The following GTF2E2 variants were observed in gnomAD, a reference collection of about 807,000 sequenced individuals.
The protein encoded by GTF2E2 is general transcription factor IIE subunit 2.
A neutral mutation model predicts 40.5 loss-of-function variants in GTF2E2; 21 were observed. That is an observed-to-expected ratio of 0.52 (90% CI 0.37 to 0.75). The LOEUF is 0.75. GTF2E2 is among the 30% of genes least tolerant of loss of function. The probability of loss-of-function intolerance (pLI) is 0.00; values close to 1 mark genes in which losing one functional copy is unlikely to be tolerated. For missense variants in GTF2E2, 298 were observed against 338.4 expected (o/e 0.88, Z 0.94); for synonymous variants, 117 against 121.6 (o/e 0.96, Z 0.25).
rs925847027 is a variant in GTF2E2, at chr8:30,593,885, T to A, written c.643+13172A>T. Among the ~76,000 whole-genome samples the A allele has an allele frequency of 2.6e-5, 4 of 152,186 alleles. No homozygotes were observed. The East Asian group carries it at 7.7e-4, about 29-fold the overall frequency. ...TTCCTGATAGTGTTTGCACAGTATA[T>A]CATTTTACATGCTTTTACTTTTAAC... On this transcript the variant is annotated intron_variant, in intron 6 of 7. Transcript: ENST00000355904.
At chr8:30,623,371 G>A (rs1801170478) in intron 3 of GTF2E2, among the ~76,000 whole-genome samples, 2 of 152,030 alleles carry the variant, frequency 1.3e-5, no homozygotes, top group Admixed American at 6.5e-5. Context: ...CAAAGGACAT[G>A]AACTCATCAT....
intron 7 of GTF2E2, among the ~76,000 whole-genome samples, chr8:30,580,041 A>G (rs901961872): frequency 6.6e-6 from 1 of 152,142 alleles, no homozygotes; most frequent in Non-Finnish European, 1.5e-5. Context: ...AAGGTTCCAT[A>G]TGGCTATACC....
At chr8:30,615,945 G>A (rs1282527666) in intron 3 of GTF2E2, among the ~76,000 whole-genome samples, 1 of 152,040 alleles carries the variant, frequency 6.6e-6, no homozygotes, top group East Asian at 1.9e-4. Context: ...TAGGTGAGTG[G>A]GTAAATAAAC....
At chr8:30,657,560 G>A (rs932875897) in intron 1 of GTF2E2, 3 of 152,162 alleles carry the variant, frequency 2.0e-5, no homozygotes, top group African/African-American at 7.2e-5. Flanking sequence ...TTAAAGTTTA[G>A]GGATCATCAC....
chr8:30,607,354 C>CT (rs1333868154), intron 5 of GTF2E2, among the ~76,000 whole-genome samples: 2 of 152,164 alleles, frequency 1.3e-5, no homozygotes, highest in Non-Finnish European at 2.9e-5. Context: ...GTGCAGCTCA[C>CT]TGCAGCCTCA....
chr8:30,599,045 G>T (rs1829094392), intron 6 of GTF2E2, among the ~76,000 whole-genome samples: 1 of 152,128 alleles, frequency 6.6e-6, no homozygotes, highest in Non-Finnish European at 1.5e-5. Flanking sequence ...GTTCTATGAG[G>T]TTGGCAAAGT....
intron 6 of GTF2E2, among the ~76,000 whole-genome samples, chr8:30,603,944 G>A (rs1407204538): frequency 1.3e-5 from 2 of 152,004 alleles, no homozygotes; most frequent in Non-Finnish European, 2.9e-5. Context: ...TAAAAAGAAT[G>A]GTTTTGTAGA....
At chr8:30,613,107 A>T (rs1167092522) in intron 4 of GTF2E2, among the ~76,000 whole-genome samples, 1 of 152,220 alleles carries the variant, frequency 6.6e-6, no homozygotes, top group Non-Finnish European at 1.5e-5. Context: ...TAGTAGTCAA[A>T]ATGTGTAGGA....
intron 3 of GTF2E2, among the ~76,000 whole-genome samples, chr8:30,620,243 C>CAA (rs1554557289): frequency 0.011 from 1,679 of 150,234 alleles, 39 homozygotes; most frequent in African/African-American, 0.038. Flanking sequence ...CACACAAACA[C>CAA]ACACACACAC....
chr8:30,578,671 ACCTGCATG>A lies in GTF2E2; in HGVS notation c.*242_*249del. ...AAGTGGAGAAAAACACAGCAAAGAC[ACCTGCATG>A]CCACGCTCAGCGCCTTTCTCCCAGG... On this transcript the variant is annotated 3_prime_UTR_variant, in exon 8 of 8. Coordinates refer to ENST00000355904, the MANE Select transcript of GTF2E2 (RefSeq NM_002095.6). 1 of 349,774 alleles carries A rather than the reference ACCTGCATG, an allele frequency of 2.9e-6. No individual in the cohort carries two copies. The highest frequency in any genetic ancestry group is 4.4e-5 in the Admixed American group (1 of 22,522). The allele number at this position is 349,774 out of a possible 1,614,324, so 21.7% of individuals were successfully genotyped here.
chr8:30,628,340 G>A (rs1052264944), intron 3 of GTF2E2, among the ~76,000 whole-genome samples: 2 of 152,106 alleles, frequency 1.3e-5, no homozygotes, highest in Non-Finnish European at 1.5e-5. Flanking sequence ...GGAGTAGGGA[G>A]CAACCACACA....
At chr8:30,599,274 C>A (rs1256266159) in intron 6 of GTF2E2, among the ~76,000 whole-genome samples, 3 of 63,546 alleles carry the variant, frequency 4.7e-5, no homozygotes, top group African/African-American at 1.7e-4. Context: ...AAAATAAAAC[C>A]AAAAAAATAA....
At chr8:30,599,255 T>C (rs1360019379) in intron 6 of GTF2E2, among the ~76,000 whole-genome samples, 2 of 145,576 alleles carry the variant, frequency 1.4e-5, no homozygotes, top group African/African-American at 2.6e-5. Flanking sequence ...TGTAACAGCA[T>C]AGAGCAAAAA....
chr8:30,615,039 G>C (rs1321272796), intron 3 of GTF2E2, among the ~76,000 whole-genome samples: 8 of 151,700 alleles, frequency 5.3e-5, no homozygotes, highest in Admixed American at 5.3e-4. Context: ...GCACTCTGGG[G>C]GACTAAGGCA....
At chr8:30,632,620 T>A (rs2128723049) in intron 3 of GTF2E2, among the ~76,000 whole-genome samples, 1 of 152,316 alleles carries the variant, frequency 6.6e-6, no homozygotes, top group South Asian at 2.1e-4. Context: ...ATATATCAGA[T>A]TTTAAAGAAA....
intron 1 of GTF2E2, 147 bp from the exon 2 acceptor site, chr8:30,653,749 G>A: frequency 3.2e-6 from 2 of 621,884 alleles, no homozygotes; most frequent in Non-Finnish European, 5.6e-6. Flanking sequence ...ACTTATTCAA[G>A]TACTCAAGAA....
At chr8:30,599,007 A>G (rs1166170720) in intron 6 of GTF2E2, among the ~76,000 whole-genome samples, 2 of 152,230 alleles carry the variant, frequency 1.3e-5, no homozygotes, top group Non-Finnish European at 2.9e-5. Flanking sequence ...ATAAAAATTA[A>G]TAAAATAAAA....
Position 30,608,985 on chromosome 8 carries a change from G to A in GTF2E2, c.550-1835C>T, listed in dbSNP as rs548153462. On this transcript the variant is annotated intron_variant, in intron 5 of 7. Transcript: ENST00000355904. ...AGGACGGTCTCAATCTCCTGACCTC[G>A]TGATCCACCCGCCTCGGCCTCCCAA... Among the ~76,000 whole-genome samples the A allele has an allele frequency of 3.3e-5, 5 of 152,184 alleles. No individual in the cohort carries two copies. The South Asian group carries it at 6.2e-4, about 19-fold the overall frequency.
At chr8:30,590,301 C>G (rs2979520) in intron 6 of GTF2E2, among the ~76,000 whole-genome samples, 118,670 of 152,188 alleles carry the variant, frequency 0.78, 46,657 homozygotes, top group African/African-American at 0.84. Context: ...GTATTCCACT[C>G]TAAGTATGTG....
Sources: allele counts gnomAD v4.1 joint callset (sites outside exome capture counted in the v4.1 genomes callset), GRCh38; gene constraint gnomAD v4.1.1; transcripts MANE v1.5; gene names NCBI Gene and HGNC (gene_info 2026-07-23, HGNC 2026-07-21).